Variants in SERPINA9 observed in about 807,000 individuals in gnomAD.
SERPINA9 encodes serpin family A member 9.
Under a neutral mutation model 24.5 loss-of-function variants are expected in SERPINA9, and 32 were observed. The ratio of observed to expected loss-of-function variants is 1.30; its 90% CI spans 0.98 to 1.75. The LOEUF (loss-of-function observed/expected upper bound fraction) is 1.75. Ranked by LOEUF, SERPINA9 falls within the 40% of genes most tolerant of loss-of-function variation. The pLI, the probability that SERPINA9 is intolerant of heterozygous loss-of-function variation, is 0.00. For synonymous variants in SERPINA9, 233 were observed against 197.7 expected (o/e 1.18, Z -1.50); for missense variants, 594 against 497.1 (o/e 1.19, Z -1.85).
At chr14:94,470,048 C>G in intron 1 of SERPINA9, 191 bp from the exon 2 acceptor site, 2 of 648,028 alleles carry the variant, frequency 3.1e-6, no homozygotes, top group African/African-American at 3.7e-5. Flanking sequence ...GTTTTACTTG[C>G]AAATGAGTAA....
chr14:94,469,631 G>A lies in SERPINA9; in HGVS notation c.210C>T (p.Phe70=). Residue 70 remains phenylalanine, a synonymous_variant, in exon 2 of 5, where the codon TTC becomes TTT. Coordinates refer to ENST00000674397, the MANE Select transcript of SERPINA9 (RefSeq NM_175739.4). Reference sequence around the variant, plus strand: ...GGGAAGTGGAGACACTCACAGGGGAGAAGAAGATGTTCTGACTCGGGGTCT... The same window carrying A: ...GGGAAGTGGAGACACTCACAGGGGAAAAGAAGATGTTCTGACTCGGGGTCT... ...VLETPSQNIF[F]SPVSVSTSLA... 1 of 1,613,586 alleles carries A rather than the reference G, an allele frequency of 6.2e-7. No individual in the cohort carries two copies. Among genetic ancestry groups the A allele is most frequent in the Middle Eastern group, 1.6e-4 (1 of 6,062 alleles).
intron 1 of SERPINA9, 157 bp downstream of exon 1, chr14:94,475,979 A>C: frequency 9.4e-7 from 1 of 1,067,374 alleles, no homozygotes; most frequent in Non-Finnish European, 1.4e-6. Context: ...CAAAAATGTG[A>C]CCCAGATGCT....
chr14:94,463,204 G>A lies in SERPINA9; in HGVS notation c.1143C>T (p.Gly381=), dbSNP rs2224418. 1,302,675 of 1,613,628 alleles carry A rather than the reference G, an allele frequency of 0.81. 533,249 individuals carry two copies. The highest frequency in any genetic ancestry group is 0.86 in the South Asian group (78,177 of 91,074). The change falls in exon 5 of 5, where the codon GGC becomes GGT. Residue 381 remains glycine (G), a synonymous_variant. Coordinates refer to ENST00000674397, the MANE Select transcript of SERPINA9 (RefSeq NM_175739.4). ...TTKFIVRSKD[G]PSYFTVSFNR... The stretch of plus-strand genomic sequence containing the variant: ...TGAAGGAGACAGTGAAGTAAGAGGG[G>A]CCATCCTTCGATCGGACTATGAACT...
chr14:94,466,693 T>A (rs1453499481), intron 3 of SERPINA9, among the ~76,000 whole-genome samples: 1 of 152,230 alleles, frequency 6.6e-6, no homozygotes, highest in Non-Finnish European at 1.5e-5. Flanking sequence ...GCAGGTTACT[T>A]TACCTTTTCA....
chr14:94,463,396 A>G, intron 4 of SERPINA9, 100 bp from the exon 5 acceptor site: 1 of 1,006,678 alleles, frequency 9.9e-7, no homozygotes, highest in Non-Finnish European at 1.5e-6. Flanking sequence ...GGTGATGTCT[A>G]CCTTGAAAGG....
At chr14:94,464,519 G>A in intron 4 of SERPINA9, 188 bp downstream of exon 4, 1 of 569,004 alleles carries the variant, frequency 1.8e-6, no homozygotes, top group South Asian at 2.2e-5. Context: ...TGTGTGAAGA[G>A]GGATAACAGA....
intron 2 of SERPINA9, 91 bp from the exon 3 acceptor site, chr14:94,467,473 G>T: frequency 8.1e-7 from 1 of 1,235,878 alleles, no homozygotes; most frequent in South Asian, 1.5e-5. Context: ...CTTCTAGTGG[G>T]TATGAGGTTT....
chr14:94,464,270 CCT>C (rs71129684), intron 4 of SERPINA9: 809 of 54,332 alleles, frequency 0.015, 10 homozygotes, highest in South Asian at 0.028. Context: ...CTTTAAAACT[CCT>C]CTCTCTCTCT....
chr14:94,476,119 A>C lies in SERPINA9; in HGVS notation c.-18+17T>G, dbSNP rs754249256. ...GACACCACATTCCCGATCTCTCTGC[A>C]CCTCCTCCTTACCCACCTTTGCAGG... is the stretch of plus-strand genomic sequence containing the variant. On this transcript the variant is annotated intron_variant, in intron 1 of 4. Coordinates refer to ENST00000674397, the MANE Select transcript of SERPINA9 (RefSeq NM_175739.4). 6.2e-7 allele frequency: 1 copy of C among 1,613,816 alleles called. No individual in the cohort carries two copies. The highest frequency in any genetic ancestry group is 2.2e-5 in the East Asian group (1 of 44,856).
intron 1 of SERPINA9, chr14:94,470,121 T>C (rs1486037557): frequency 9.7e-7 from 1 of 1,029,204 alleles, no homozygotes; most frequent in Non-Finnish European, 1.2e-6. Context: ...CTGTGTTCTG[T>C]GTGGGCTTCA....
At chr14:94,467,450 A>G (rs1324644566) in intron 2 of SERPINA9, 68 bp from the exon 3 acceptor site, 4 of 1,411,922 alleles carry the variant, frequency 2.8e-6, no homozygotes, top group African/African-American at 2.8e-5. Flanking sequence ...CAGCAAACTG[A>G]AATGGGGAAT....
chr14:94,470,641 A>G (rs1595670064), intron 1 of SERPINA9, among the ~76,000 whole-genome samples: 1 of 152,266 alleles, frequency 6.6e-6, no homozygotes, highest in African/African-American at 2.4e-5. Context: ...TTTGTAAAAC[A>G]GAGATAGTTA....
intron 2 of SERPINA9, among the ~76,000 whole-genome samples, chr14:94,468,428 G>T (rs774959126): frequency 6.6e-6 from 1 of 152,142 alleles, no homozygotes; most frequent in Non-Finnish European, 1.5e-5. Flanking sequence ...GGATGATACG[G>T]TGGCATCCAT....
Position 94,463,116 on chromosome 14 carries a change from C to G in SERPINA9, c.1231G>C (p.Val411Leu), listed in dbSNP as rs1898818374. 1.2e-6 allele frequency: 2 copies of G among 1,614,040 alleles called. No homozygotes were observed. Among genetic ancestry groups the G allele is most frequent in the Non-Finnish European group, 1.7e-6 (2 of 1,179,986 alleles). The change falls in exon 5 of 5, where the codon GTG becomes CTG. Residue 411 changes from valine (V) to leucine (L), a missense_variant. Val to Leu is a conservative substitution (Grantham distance 32). Transcript: ENST00000674397. Reference sequence around the variant, plus strand: ...ACCTAGGATTTAGTGGGATTTTCCACTTTCCCTAGAAAGAGAATACCGTCT... The same window carrying G: ...ACCTAGGATTTAGTGGGATTTTCCAGTTTCCCTAGAAAGAGAATACCGTCT... ...ATDGILFLGK[V>L]ENPTKS
chr14:94,473,278 C>T (rs1899414598), intron 1 of SERPINA9, among the ~76,000 whole-genome samples: 1 of 152,130 alleles, frequency 6.6e-6, no homozygotes, highest in Admixed American at 6.5e-5. Context: ...GTAATCCTAG[C>T]ACTTTCGAGG....
intron 3 of SERPINA9, among the ~76,000 whole-genome samples, chr14:94,465,113 A>G (rs1245562357): frequency 6.6e-6 from 1 of 152,200 alleles, no homozygotes; most frequent in Non-Finnish European, 1.5e-5. Context: ...AGCAGTCAGC[A>G]AGGGAGTCTA....
Position 94,469,628 on chromosome 14 carries a change from G to C in SERPINA9, c.213C>G (p.Ser71=), listed in dbSNP as rs1899203135. 5 of 1,614,096 alleles carry C rather than the reference G, an allele frequency of 3.1e-6. No homozygotes were observed. The highest frequency in any genetic ancestry group is 3.3e-4 in the Middle Eastern group (2 of 6,060). The change falls in exon 2 of 5, where the codon TCC becomes TCG. Residue 71 remains serine, a synonymous_variant. Transcript: ENST00000674397. ...LETPSQNIFF[S]PVSVSTSLAM... is the part of the protein sequence containing the mutation. ...CCAGGGAAGTGGAGACACTCACAGGGGAGAAGAAGATGTTCTGACTCGGGG... is the reference window on the plus strand; with the variant it reads ...CCAGGGAAGTGGAGACACTCACAGGCGAGAAGAAGATGTTCTGACTCGGGG...
intron 1 of SERPINA9, chr14:94,470,245 C>T: frequency 1.0e-6 from 1 of 998,920 alleles, no homozygotes; most frequent in Middle Eastern, 5.1e-4. Flanking sequence ...GAAGTGGTTT[C>T]TCACCCTTTG....
At chr14:94,470,992 C>T (rs1193233477) in intron 1 of SERPINA9, among the ~76,000 whole-genome samples, 1 of 152,150 alleles carries the variant, frequency 6.6e-6, no homozygotes, top group Non-Finnish European at 1.5e-5. Flanking sequence ...GAGGTCTGTG[C>T]TCAGCCAGAG....
Sources: gnomAD v4.1 joint callset for allele counts (sites outside exome capture counted in the v4.1 genomes callset) on GRCh38, gnomAD v4.1.1 for gene constraint, MANE v1.5 for transcripts, NCBI Gene and HGNC (gene_info 2026-07-23, HGNC 2026-07-21) for gene names.